Variants in HS6ST3 observed in about 807,000 individuals in gnomAD.
HS6ST3 encodes the protein heparan sulfate 6-O-sulfotransferase 3.
A neutral mutation model predicts 36.7 loss-of-function variants in HS6ST3; 12 were observed. The ratio of observed to expected loss-of-function variants is 0.33; its 90% confidence interval spans 0.21 to 0.53. The LOEUF (loss-of-function observed/expected upper bound fraction) is 0.53, where lower values mean the gene tolerates loss of function less well. HS6ST3 is among the 20% of genes least tolerant of loss of function. The pLI, the probability that HS6ST3 is intolerant of heterozygous loss-of-function variation, is 0.95. For synonymous variants in HS6ST3, 240 were observed against 257.5 expected, an observed-to-expected ratio of 0.93 and a Z score of 0.65; for missense variants, 584 against 640.9, an observed-to-expected ratio of 0.91 and a Z score of 0.96.
chr13:96,710,293 A>G (rs1875528692), intron 1 of HS6ST3, among the ~76,000 whole-genome samples: 1 of 152,254 alleles, frequency 6.6e-6, no homozygotes, highest in Non-Finnish European at 1.5e-5. Context: ...AGCAGGACCT[A>G]GGCTGCACTG....
chr13:96,326,890 A>T (rs1377537769), intron 1 of HS6ST3, among the ~76,000 whole-genome samples: 1 of 150,382 alleles, frequency 6.6e-6, no homozygotes, highest in African/African-American at 2.5e-5. Context: ...GTGAGATGGT[A>T]TCTCATTGTG....
intron 1 of HS6ST3, among the ~76,000 whole-genome samples, chr13:96,493,070 C>T (rs559266049): frequency 1.3e-5 from 2 of 152,318 alleles, no homozygotes; most frequent in East Asian, 3.9e-4. Context: ...CACTTGGCTT[C>T]CCAAGGTCAT....
intron 1 of HS6ST3, among the ~76,000 whole-genome samples, chr13:96,444,149 T>A (rs892049961): frequency 2.0e-5 from 3 of 152,166 alleles, no homozygotes; most frequent in Non-Finnish European, 4.4e-5. Flanking sequence ...TTATTATAGA[T>A]CCTTCTGGAC....
chr13:96,278,773 C>A (rs1223472242), intron 1 of HS6ST3, among the ~76,000 whole-genome samples: 1 of 152,078 alleles, frequency 6.6e-6, no homozygotes. Context: ...GGTTATCTAA[C>A]CTTATTCAAG....
chr13:96,412,154 A>T (rs1194908314), intron 1 of HS6ST3, among the ~76,000 whole-genome samples: 2 of 151,946 alleles, frequency 1.3e-5, no homozygotes, highest in African/African-American at 4.8e-5. Context: ...ACAGGCACGC[A>T]CCACCACGCC....
intron 1 of HS6ST3, among the ~76,000 whole-genome samples, chr13:96,795,851 C>T (rs1005970967): frequency 6.6e-6 from 1 of 152,114 alleles, no homozygotes; most frequent in African/African-American, 2.4e-5. Context: ...TGGCAAGGAA[C>T]TGAACTTCCT....
chr13:96,386,583 T>G (rs1011410612), intron 1 of HS6ST3, among the ~76,000 whole-genome samples: 1 of 152,034 alleles, frequency 6.6e-6, no homozygotes, highest in Non-Finnish European at 1.5e-5. Context: ...AAATAAAAAA[T>G]TGGCCGGGTG....
At chr13:96,346,485 G>A (rs895859828) in intron 1 of HS6ST3, among the ~76,000 whole-genome samples, 3 of 151,704 alleles carry the variant, frequency 2.0e-5, no homozygotes, top group Admixed American at 2.0e-4. Context: ...TGAGGCAGGA[G>A]AATGGCGTGA....
At chr13:96,281,013 T>G (rs2054773257) in intron 1 of HS6ST3, among the ~76,000 whole-genome samples, 1 of 152,102 alleles carries the variant, frequency 6.6e-6, no homozygotes, top group Non-Finnish European at 1.5e-5. Flanking sequence ...TTTGTATCTT[T>G]TTTTTCTTTT....
chr13:96,160,011 AT>A (rs1389373131), intron 1 of HS6ST3, among the ~76,000 whole-genome samples: 1 of 152,188 alleles, frequency 6.6e-6, no homozygotes, highest in Admixed American at 6.5e-5. Context: ...AATAGAATCT[AT>A]TTTGTAATAT....
intron 1 of HS6ST3, among the ~76,000 whole-genome samples, chr13:96,694,216 C>T (rs1875056652): frequency 1.3e-5 from 2 of 152,184 alleles, no homozygotes; most frequent in South Asian, 4.1e-4. Context: ...TTCCCCTGTC[C>T]TTGTGTTCTC....
intron 1 of HS6ST3, among the ~76,000 whole-genome samples, chr13:96,353,046 C>CTTTTTT (rs1026366277): frequency 2.3e-5 from 2 of 85,426 alleles, no homozygotes; most frequent in Non-Finnish European, 4.8e-5. Flanking sequence ...CTAGCGTATT[C>CTTTTTT]TTTTTTTTTT....
intron 1 of HS6ST3, among the ~76,000 whole-genome samples, chr13:96,727,234 A>G (rs905847603): frequency 5.9e-5 from 9 of 152,162 alleles, no homozygotes; most frequent in Admixed American, 1.3e-4. Flanking sequence ...TCATCTGTAA[A>G]GTGGGGATAA....
At chr13:96,825,026 T>C (rs2138544877) in intron 1 of HS6ST3, among the ~76,000 whole-genome samples, 1 of 152,224 alleles carries the variant, frequency 6.6e-6, no homozygotes, top group South Asian at 2.1e-4. Context: ...TGTGGGGCAA[T>C]GGGGGAGAAA....
At chr13:96,433,122 T>A (rs2055624127) in intron 1 of HS6ST3, among the ~76,000 whole-genome samples, 2 of 152,226 alleles carry the variant, frequency 1.3e-5, no homozygotes, top group Admixed American at 1.3e-4. Context: ...TTGTTTTTTG[T>A]CTGAGATCTA....
intron 1 of HS6ST3, among the ~76,000 whole-genome samples, chr13:96,522,198 C>G (rs1434507339): frequency 6.6e-6 from 1 of 152,170 alleles, no homozygotes; most frequent in African/African-American, 2.4e-5. Flanking sequence ...AATTTGATTC[C>G]ACTATGGTCT....
intron 1 of HS6ST3, among the ~76,000 whole-genome samples, chr13:96,522,696 T>C (rs111265013): frequency 6.7e-4 from 102 of 152,178 alleles, no homozygotes; most frequent in African/African-American, 2.2e-3. Context: ...TGTGTGTGTG[T>C]GTGCTTTCCA....
At chr13:96,556,509 T>C (rs2138952164) in intron 1 of HS6ST3, among the ~76,000 whole-genome samples, 1 of 152,302 alleles carries the variant, frequency 6.6e-6, no homozygotes, top group Non-Finnish European at 1.5e-5. Context: ...GAAATTGATA[T>C]CTAAACAAAC....
chr13:96,540,132 G>A (rs886354518), intron 1 of HS6ST3, among the ~76,000 whole-genome samples: 10 of 152,186 alleles, frequency 6.6e-5, no homozygotes, highest in African/African-American at 2.2e-4. Flanking sequence ...ACCAGATAAA[G>A]TTTTGAATTT....
Sources: allele counts gnomAD v4.1 joint callset (sites outside exome capture counted in the v4.1 genomes callset), GRCh38; gene constraint gnomAD v4.1.1; transcripts MANE v1.5; gene names NCBI Gene and HGNC (gene_info 2026-07-23, HGNC 2026-07-21).